Variants in PRDM11 observed in about 807,000 individuals in gnomAD.
PRDM11 encodes PR/SET domain 11, also known as PR domain-containing protein 11.
In PRDM11, 20 loss-of-function variants were observed where a neutral mutation model predicts 97.8. The ratio of observed to expected loss-of-function variants is 0.20; its 90% confidence interval spans 0.14 to 0.30. The LOEUF (loss-of-function observed/expected upper bound fraction) is 0.30, where lower values mean the gene tolerates loss of function less well. PRDM11 is among the 10% of genes least tolerant of loss of function. The pLI is 1.00. For synonymous variants in PRDM11, 599 were observed against 637.7 expected, an observed-to-expected ratio of 0.94 and a Z score of 0.91; for missense variants, 1,139 against 1,555.2, an observed-to-expected ratio of 0.73 and a Z score of 4.50.
At chr11:45,220,260 A>G (rs552291560) in intron 6 of PRDM11, among the ~76,000 whole-genome samples, 1 of 152,102 alleles carries the variant, frequency 6.6e-6, no homozygotes, top group African/African-American at 2.4e-5. Flanking sequence ...ATGACCTTTC[A>G]TTTTTTCAGT....
intron 1 of PRDM11, among the ~76,000 whole-genome samples, chr11:45,141,076 A>C (rs1266378379): frequency 6.6e-6 from 1 of 152,166 alleles, no homozygotes; most frequent in Non-Finnish European, 1.5e-5. Flanking sequence ...CCTGTCTAAC[A>C]AGGCAAGCTC....
intron 1 of PRDM11, among the ~76,000 whole-genome samples, chr11:45,180,748 G>C (rs1426698647): frequency 1.3e-5 from 2 of 149,906 alleles, no homozygotes; most frequent in Non-Finnish European, 3.0e-5. Flanking sequence ...TGGCGAGAGG[G>C]GGAGAGCCCG....
intron 1 of PRDM11, among the ~76,000 whole-genome samples, chr11:45,140,650 TTATC>T (rs1411651168): frequency 6.6e-6 from 1 of 152,068 alleles, no homozygotes; most frequent in African/African-American, 2.4e-5. Context: ...TTCCTGGAGC[TTATC>T]TGTCTCATTG....
chr11:45,203,787 A>AT (rs1465863294), intron 4 of PRDM11, among the ~76,000 whole-genome samples: 1 of 151,820 alleles, frequency 6.6e-6, no homozygotes, highest in Non-Finnish European at 1.5e-5. Flanking sequence ...CACCCAGCTA[A>AT]TTTTTTTTGC....
intron 5 of PRDM11, among the ~76,000 whole-genome samples, chr11:45,206,195 C>T (rs545382376): frequency 6.6e-6 from 1 of 152,208 alleles, no homozygotes; most frequent in African/African-American, 2.4e-5. Flanking sequence ...CCTGCCCCAC[C>T]ACACCCCATG....
upstream of PRDM11, among the ~76,000 whole-genome samples, chr11:45,095,034 G>A (rs369908727): frequency 2.0e-5 from 3 of 152,278 alleles, no homozygotes; most frequent in East Asian, 3.9e-4. Flanking sequence ...TGGGGGCAGG[G>A]AACTGGGCCG....
At chr11:45,193,211 C>T (rs956109100) in intron 4 of PRDM11, among the ~76,000 whole-genome samples, 1 of 152,198 alleles carries the variant, frequency 6.6e-6, no homozygotes, top group Non-Finnish European at 1.5e-5. Context: ...AGAGTAGCTG[C>T]GATCACAGGA....
intron 1 of PRDM11, among the ~76,000 whole-genome samples, chr11:45,113,311 ATG>A (rs1262241805): frequency 1.3e-5 from 2 of 152,156 alleles, no homozygotes; most frequent in Non-Finnish European, 2.9e-5. Flanking sequence ...ATTGGTCTAC[ATG>A]TGTGTTTTTA....
At chr11:45,138,263 G>C (rs1030748011) in intron 1 of PRDM11, among the ~76,000 whole-genome samples, 1 of 152,098 alleles carries the variant, frequency 6.6e-6, no homozygotes, top group Admixed American at 6.5e-5. Context: ...AAACATTGCA[G>C]TCATTCAAAA....
chr11:45,204,541 G>A (rs1853439061), intron 4 of PRDM11, among the ~76,000 whole-genome samples, 170 bp from the exon 5 acceptor site: 1 of 152,154 alleles, frequency 6.6e-6, no homozygotes, highest in Non-Finnish European at 1.5e-5. Flanking sequence ...AGGGCAGGTA[G>A]CAGAGATTCT....
intron 5 of PRDM11, among the ~76,000 whole-genome samples, chr11:45,209,551 G>A (rs1024921472): frequency 6.6e-6 from 1 of 152,146 alleles, no homozygotes; most frequent in Non-Finnish European, 1.5e-5. Flanking sequence ...CCCCACGCAG[G>A]CCCTGCTCTT....
chr11:45,157,962 A>C (rs367927573), intron 1 of PRDM11, among the ~76,000 whole-genome samples: 1 of 152,128 alleles, frequency 6.6e-6, no homozygotes, highest in East Asian at 1.9e-4. Context: ...CTCTGATGGC[A>C]TGGGGTCTGT....
At chr11:45,145,851 T>A (rs1366172864), upstream of PRDM11, among the ~76,000 whole-genome samples, 1 of 152,168 alleles carries the variant, frequency 6.6e-6, no homozygotes, top group African/African-American at 2.4e-5. Context: ...TCAAGCACTC[T>A]GTGACAATTC....
At chr11:45,130,024 G>T (rs1483694893) in intron 1 of PRDM11, among the ~76,000 whole-genome samples, 1 of 152,138 alleles carries the variant, frequency 6.6e-6, no homozygotes, top group Non-Finnish European at 1.5e-5. Context: ...CAATCCAGTG[G>T]GTGGAGAATG....
chr11:45,147,286 A>C (rs908070955), intron 1 of PRDM11: 25 of 151,150 alleles, frequency 1.7e-4, no homozygotes, highest in African/African-American at 5.4e-4. Flanking sequence ...ACGCGGTGAC[A>C]CGGACGGGGC....
intron 1 of PRDM11, among the ~76,000 whole-genome samples, chr11:45,158,749 T>C (rs1338806013): frequency 6.6e-6 from 1 of 151,918 alleles, no homozygotes; most frequent in East Asian, 1.9e-4. Context: ...TCCCCAAAGC[T>C]GATCCTTTCA....
intron 4 of PRDM11, among the ~76,000 whole-genome samples, chr11:45,195,722 C>T (rs1345037252): frequency 6.6e-6 from 1 of 151,970 alleles, no homozygotes; most frequent in Non-Finnish European, 1.5e-5. Context: ...TACAGGTGTA[C>T]ACCACTATGC....
intron 1 of PRDM11, among the ~76,000 whole-genome samples, chr11:45,113,209 G>A (rs570964723): frequency 6.6e-6 from 1 of 152,050 alleles, no homozygotes; most frequent in Non-Finnish European, 1.5e-5. Context: ...TGAATACAGC[G>A]TCTTGTCCCC....
chr11:45,143,600 C>A (rs1251555967), upstream of PRDM11, among the ~76,000 whole-genome samples: 2 of 152,130 alleles, frequency 1.3e-5, no homozygotes, highest in African/African-American at 4.8e-5. Context: ...GGACAATGAA[C>A]CAGAAATGAC....
Sources: allele counts gnomAD v4.1 joint callset (sites outside exome capture counted in the v4.1 genomes callset), GRCh38; gene constraint gnomAD v4.1.1; transcripts MANE v1.5; gene names NCBI Gene and HGNC (gene_info 2026-07-23, HGNC 2026-07-21).